GRIK2: variants seen among roughly 807,000 people sequenced by gnomAD.
GRIK2 encodes glutamate receptor ionotropic, kainate 2.
In GRIK2, 32 loss-of-function variants were observed where a neutral mutation model predicts 100.3. The ratio of observed to expected loss-of-function variants is 0.32; its 90% CI spans 0.24 to 0.43. GRIK2 has a LOEUF of 0.43. Ranked by LOEUF, GRIK2 falls within the 20% of genes least tolerant of loss-of-function variation. The pLI is 1.00. For missense variants in GRIK2, 843 were observed against 1,114.9 expected, an observed-to-expected ratio of 0.76 and a Z score of 3.47; for synonymous variants, 417 against 389.4, an observed-to-expected ratio of 1.07 and a Z score of -0.83.
chr6:101,704,879 C>T (rs1229295043), intron 7 of GRIK2, among the ~76,000 whole-genome samples: 1 of 150,198 alleles, frequency 6.7e-6, no homozygotes, highest in Admixed American at 6.7e-5. Flanking sequence ...TATTAAGTTT[C>T]TCTCAACAGC....
At chr6:101,776,412 A>T (rs751756221) in intron 7 of GRIK2, among the ~76,000 whole-genome samples, 5 of 152,210 alleles carry the variant, frequency 3.3e-5, no homozygotes, top group Non-Finnish European at 7.3e-5. Context: ...TTATGCAGAG[A>T]AGACAGACAA....
intron 7 of GRIK2, among the ~76,000 whole-genome samples, chr6:101,795,535 G>C (rs1174439486): frequency 6.6e-6 from 1 of 152,228 alleles, no homozygotes; most frequent in African/African-American, 2.4e-5. Context: ...CTTCGGTTCA[G>C]TAGTGGCAGC....
At chr6:102,053,987 CTG>C (rs1467186724) in intron 15 of GRIK2, among the ~76,000 whole-genome samples, 1 of 152,054 alleles carries the variant, frequency 6.6e-6, no homozygotes, top group Non-Finnish European at 1.5e-5. Flanking sequence ...AGGGGAGAAA[CTG>C]AGAAGCAGAA....
intron 14 of GRIK2, among the ~76,000 whole-genome samples, chr6:102,029,041 A>T (rs961439045): frequency 2.0e-5 from 3 of 151,154 alleles, no homozygotes; most frequent in African/African-American, 7.3e-5. Flanking sequence ...TAGGTACTAC[A>T]TTCTTTTGGA....
chr6:101,645,778 GTCCTTA>G (rs1341154659), intron 4 of GRIK2, among the ~76,000 whole-genome samples: 1 of 151,754 alleles, frequency 6.6e-6, no homozygotes, highest in African/African-American at 2.4e-5. Flanking sequence ...CTCTTGATTA[GTCCTTA>G]TCCTTCTAAG....
chr6:101,955,002 T>C (rs1289809189), intron 14 of GRIK2, among the ~76,000 whole-genome samples: 2 of 152,130 alleles, frequency 1.3e-5, no homozygotes, highest in Non-Finnish European at 2.9e-5. Context: ...ATATTATATT[T>C]ATTTGTTTGT....
At chr6:102,052,620 T>C (rs1771256858) in intron 15 of GRIK2, among the ~76,000 whole-genome samples, 1 of 152,158 alleles carries the variant, frequency 6.6e-6, no homozygotes. Flanking sequence ...CCCAGTGCAG[T>C]TGGTGCATAT....
intron 14 of GRIK2, among the ~76,000 whole-genome samples, chr6:102,016,555 A>G (rs924228090): frequency 1.3e-5 from 2 of 151,384 alleles, no homozygotes; most frequent in Non-Finnish European, 2.9e-5. Flanking sequence ...AAAATAAATA[A>G]AAAAATTCAA....
chr6:101,787,216 T>C (rs1370360656), intron 7 of GRIK2, among the ~76,000 whole-genome samples: 1 of 151,780 alleles, frequency 6.6e-6, no homozygotes, highest in Non-Finnish European at 1.5e-5. Context: ...ATCTTTTTTT[T>C]CTTAGTTTAA....
rs57520191 is a variant in GRIK2, at chr6:101,548,719, A to T, written c.116-73230A>T. ...GTATCATGATCATGATCATCCTCTC[A>T]TCATGTATAGCATTTGTTGAGTGCT... On this transcript the variant is annotated intron_variant, in intron 2 of 16. Coordinates refer to ENST00000369134, the MANE Select transcript of GRIK2 (RefSeq NM_021956.5). Among the ~76,000 whole-genome samples the T allele has an allele frequency of 2.7e-4, 41 of 152,266 alleles. No homozygotes were observed. The East Asian group carries it at 7.7e-3, about 29-fold the overall frequency.
intron 10 of GRIK2, among the ~76,000 whole-genome samples, chr6:101,842,930 A>T (rs766006054): frequency 3.9e-5 from 6 of 152,176 alleles, no homozygotes; most frequent in Non-Finnish European, 7.4e-5. Context: ...GATGGCAAAC[A>T]CTGGAATCTC....
intron 7 of GRIK2, among the ~76,000 whole-genome samples, chr6:101,720,472 G>C (rs1412588154): frequency 2.0e-5 from 3 of 151,782 alleles, no homozygotes. Context: ...GATTAATTTA[G>C]ATTTAAATTA....
At chr6:101,597,080 T>A (rs567659702) in intron 2 of GRIK2, among the ~76,000 whole-genome samples, 1 of 151,966 alleles carries the variant, frequency 6.6e-6, no homozygotes, top group East Asian at 1.9e-4. Flanking sequence ...CAAAATTATG[T>A]CCTTTGCAGC....
rs559617353 is a variant in GRIK2, at chr6:101,621,962, A to T, written c.129A>T (p.Glu43Asp). 1 of 1,605,612 alleles carries T rather than the reference A, an allele frequency of 6.2e-7. No homozygotes were observed. The highest frequency in any genetic ancestry group is 1.1e-5 in the South Asian group (1 of 90,578). The change falls in exon 3 of 17, where the codon GAA becomes GAT. Residue 43 changes from glutamate (E) to aspartate (D), a missense_variant. Glu to Asp is a conservative substitution (Grantham distance 45). Around this residue, in one of 3 missense-constraint regions of GRIK2, gnomAD observed 519 missense variants for 643.8 expected, o/e 0.81. Coordinates refer to ENST00000369134, the MANE Select transcript of GRIK2 (RefSeq NM_021956.5). ...THVLRFGGIF[E>D]YVESGPMGAE... ...TCTTTTTGCCAGGTGGTATTTTTGA[A>T]TATGTGGAATCTGGCCCAATGGGAG...
At chr6:101,496,946 G>T (rs1296221879) in intron 2 of GRIK2, among the ~76,000 whole-genome samples, 1 of 152,098 alleles carries the variant, frequency 6.6e-6, no homozygotes, top group Admixed American at 6.6e-5. Flanking sequence ...GGTAAAAGGG[G>T]CTAAGTAGGC....
chr6:101,677,765 T>C lies in GRIK2; in HGVS notation c.723+961T>C, dbSNP rs1257258984. On this transcript the variant is annotated intron_variant, in intron 5 of 16. Transcript: ENST00000369134. ...GGACAAAATATTTCTACTGGAGAGT[T>C]ACGCAGATTCAGATGTCAAATTATA... Among the ~76,000 whole-genome samples, 4 of 152,136 alleles carry C rather than the reference T, an allele frequency of 2.6e-5. 1 individual carries two copies. The highest frequency in any genetic ancestry group is 2.0e-4 in the Admixed American group (3 of 15,270).
chr6:101,748,908 C>A (rs1034112060), intron 7 of GRIK2, among the ~76,000 whole-genome samples: 14 of 152,092 alleles, frequency 9.2e-5, no homozygotes, highest in Admixed American at 9.2e-4. Context: ...ACATTTTAGC[C>A]TGACAGTAAA....
At chr6:101,735,083 G>C (rs1775544291) in intron 7 of GRIK2, among the ~76,000 whole-genome samples, 1 of 152,044 alleles carries the variant, frequency 6.6e-6, no homozygotes, top group Admixed American at 6.6e-5. Context: ...AAGAAAGAAG[G>C]AAGTTTTATA....
chr6:101,445,794 T>C (rs1037677724), intron 2 of GRIK2, among the ~76,000 whole-genome samples: 1 of 152,086 alleles, frequency 6.6e-6, no homozygotes, highest in Non-Finnish European at 1.5e-5. Flanking sequence ...TGGTCCAGGA[T>C]TTTTCCTTTC....
Sources: allele counts gnomAD v4.1 joint callset (sites outside exome capture counted in the v4.1 genomes callset), GRCh38; gene constraint gnomAD v4.1.1; regional missense constraint gnomAD v4.1.1; transcripts MANE v1.5; gene names NCBI Gene and HGNC (gene_info 2026-07-23, HGNC 2026-07-21).